The following LOXL1 variants were observed in gnomAD, a reference collection of about 807,000 sequenced individuals.
LOXL1 encodes lysyl oxidase homolog 1.
LOXL1 carries 31 observed loss-of-function variants against 62.2 expected under a neutral mutation model. That is an observed-to-expected ratio of 0.50 (90% CI 0.37 to 0.67). The LOEUF (loss-of-function observed/expected upper bound fraction) is 0.67, where lower values mean the gene tolerates loss of function less well. Ranked by LOEUF, LOXL1 falls within the 30% of genes least tolerant of loss-of-function variation. The pLI is 0.00. For synonymous variants in LOXL1, 403 were observed against 384.4 expected, an observed-to-expected ratio of 1.05 and a Z score of -0.56; for missense variants, 775 against 843.4, an observed-to-expected ratio of 0.92 and a Z score of 1.00.
chr15:73,943,067 C>A, intron 2 of LOXL1, 105 bp downstream of exon 2: 1 of 886,910 alleles, frequency 1.1e-6, no homozygotes, highest in Non-Finnish European at 1.9e-6. Context: ...AAGCTGATGA[C>A]CCTGGCCAAG....
intron 1 of LOXL1, among the ~76,000 whole-genome samples, chr15:73,933,257 C>T (rs1177666208): frequency 6.6e-6 from 1 of 152,196 alleles, no homozygotes; most frequent in East Asian, 1.9e-4. Context: ...TTAACCAACT[C>T]ACCCAAGGTC....
Position 73,927,227 on chromosome 15 carries a change from G to T in LOXL1, c.444G>T (p.Gln148His). Reference sequence around the variant, plus strand: ...CCCGGGCCCGCACCTCCGTCTCCCAGCAACGGCACGGGGGCTCCGCCTCCT... The same window carrying T: ...CCCGGGCCCGCACCTCCGTCTCCCATCAACGGCACGGGGGCTCCGCCTCCT... ...GMARARTSVSQQRHGGSASSV... is the reference protein window; with the variant it reads ...GMARARTSVSHQRHGGSASSV... Residue 148 changes from glutamine (Q) to histidine (H), a missense_variant, in exon 1 of 7, where the codon CAG becomes CAT. Transcript: ENST00000261921. 6.3e-7 allele frequency: 1 copy of T among 1,596,326 alleles called. No homozygotes were observed.
Position 73,946,543 on chromosome 15 carries a change from C to A in LOXL1, c.1338C>A (p.His446Gln). ...PNRPRHTWEW[H>Q]SCHQHYHSMD... ...GGCCACGGCACACCTGGGAGTGGCA[C>A]AGCTGCCACCAGTGAGTGGGGAGGG... Residue 446 changes from histidine (H) to glutamine (Q), a missense_variant, in exon 3 of 7, where the codon CAC becomes CAA. By Grantham distance (24) the His-to-Gln change is conservative. Transcript: ENST00000261921. The A allele has an allele frequency of 1.9e-6, 3 of 1,605,538 alleles. No homozygotes were observed. The South Asian group carries it at 3.3e-5, about 18-fold the overall frequency.
rs1232504479 is a variant in LOXL1 at position 73,927,765 on chromosome 15, G to A, written c.982G>A (p.Glu328Lys). The A allele has an allele frequency of 4.9e-6, 7 of 1,442,978 alleles. No individual in the cohort carries two copies. The highest frequency in any genetic ancestry group is 1.4e-5 in the South Asian group (1 of 72,548). 89.4% of individuals were successfully genotyped at this position (1,442,978 alleles called of 1,614,324 possible). Reference sequence around the variant, plus strand: ...GGCGTACGGGCCGCCGCGCGCGCTGGAGCCGCCCTACCTGCCGGTGCGCAG... The same window carrying A: ...GGCGTACGGGCCGCCGCGCGCGCTGAAGCCGCCCTACCTGCCGGTGCGCAG... ...PEAYGPPRAL[E>K]PPYLPVRSSD... The change falls in exon 1 of 7, where the codon GAG (glutamate) becomes AAG (lysine). Residue 328 changes from glutamate (E) to lysine (K), a missense_variant. Physicochemically the swap from Glu to Lys is moderately conservative, Grantham distance 56 (BLOSUM62 1). Transcript: ENST00000261921.
chr15:73,932,799 C>G (rs987387988), intron 1 of LOXL1, among the ~76,000 whole-genome samples: 1 of 152,210 alleles, frequency 6.6e-6, no homozygotes, highest in Non-Finnish European at 1.5e-5. Flanking sequence ...AGATCAGCAT[C>G]CCTCCTTCCT....
rs561854633 is a variant in LOXL1 at position 73,947,011 on chromosome 15, G to A, written c.1350-56G>A. On this transcript the variant is annotated intron_variant, in intron 3 of 6. Transcript: ENST00000261921. ...GCCCATCTCAGGATGGGGACAGGAT[G>A]AGAGGCCCAGGGAAGACTAGGCCCT... is the stretch of plus-strand genomic sequence containing the variant. 27 of 1,493,496 alleles carry A rather than the reference G, an allele frequency of 1.8e-5. No individual in the cohort carries two copies. In the South Asian group the frequency reaches 2.9e-4, roughly 16 times the overall value. 92.5% of individuals were successfully genotyped at this position (1,493,496 alleles called of 1,614,324 possible).
Position 73,930,486 on chromosome 15 carries a change from C to T in LOXL1, c.1102+2601C>T, listed in dbSNP as rs2068628169. Among the ~76,000 whole-genome samples, 1 of 152,142 alleles carries T rather than the reference C, an allele frequency of 6.6e-6. No homozygotes were observed. The highest frequency in any genetic ancestry group is 6.5e-5 in the Admixed American group (1 of 15,280). On this transcript the variant is annotated intron_variant, in intron 1 of 6. Coordinates refer to ENST00000261921, the MANE Select transcript of LOXL1 (RefSeq NM_005576.4). The surrounding 1 kb of genome is among the most constrained non-coding windows in gnomAD (Gnocchi z 4.7). Reference sequence around the variant, plus strand: ...CTGCTAGGCCAGACCGTGGAAAATCCCAGCCCAGGGAAGGCCAAGCCTTGT... The same window carrying T: ...CTGCTAGGCCAGACCGTGGAAAATCTCAGCCCAGGGAAGGCCAAGCCTTGT...
At chr15:73,933,520 G>C (rs921549111) in intron 1 of LOXL1, among the ~76,000 whole-genome samples, 2 of 152,232 alleles carry the variant, frequency 1.3e-5, no homozygotes, top group African/African-American at 4.8e-5. Flanking sequence ...ACCATTATGG[G>C]CACCAGGTTA....
chr15:73,940,179 A>C (rs2068704170), intron 1 of LOXL1, among the ~76,000 whole-genome samples: 1 of 152,178 alleles, frequency 6.6e-6, no homozygotes, highest in African/African-American at 2.4e-5. Context: ...AATTTTGTGC[A>C]GTCTGAGATA....
chr15:73,947,042 T>A, intron 3 of LOXL1, 25 bp from the exon 4 acceptor site: 1 of 1,566,086 alleles, frequency 6.4e-7, no homozygotes, highest in Non-Finnish European at 8.7e-7. Context: ...GCCCTCTTCT[T>A]TCTCCTTCTC....
At position 73,952,056 on chromosome 15, in the gene LOXL1, T is replaced by G. The variant is rs992929964; in HGVS notation, c.*219T>G. ...TCTCTACAGTGTTGTTTTGTTGTTG[T>G]TGGTTTTTATTTTTTATACTTTGGC... is the stretch of plus-strand genomic sequence containing the variant. On this transcript the variant is annotated 3_prime_UTR_variant, in exon 7 of 7. Coordinates refer to ENST00000261921, the MANE Select transcript of LOXL1 (RefSeq NM_005576.4). The G allele has an allele frequency of 9.9e-6, 4 of 404,076 alleles. No homozygotes were observed. The highest frequency in any genetic ancestry group is 1.7e-5 in the Non-Finnish European group (4 of 229,708). 25.0% of individuals were successfully genotyped at this position (404,076 alleles called of 1,614,324 possible). A position where few individuals can be genotyped will look rare whatever the true frequency, so the allele number is the denominator to read the frequency against.
chr15:73,933,764 C>T (rs900093608), intron 1 of LOXL1, among the ~76,000 whole-genome samples: 4 of 152,270 alleles, frequency 2.6e-5, no homozygotes, highest in African/African-American at 9.6e-5. Context: ...AGCTGGGGTC[C>T]GCCCAGGCGG....
chr15:73,935,999 G>A (rs1441311365), intron 1 of LOXL1, among the ~76,000 whole-genome samples: 2 of 145,860 alleles, frequency 1.4e-5, no homozygotes, highest in Non-Finnish European at 3.0e-5. Flanking sequence ...GCATAGCTGG[G>A]AATTCCAGGA....
chr15:73,947,961 C>G, intron 5 of LOXL1, 59 bp downstream of exon 5: 1 of 1,330,102 alleles, frequency 7.5e-7, no homozygotes, highest in Non-Finnish European at 1.1e-6. Context: ...AATGTCCCCC[C>G]GTTCCTGAAA....
chr15:73,940,577 G>C (rs149321826), intron 1 of LOXL1, among the ~76,000 whole-genome samples: 2 of 151,954 alleles, frequency 1.3e-5, no homozygotes, highest in Non-Finnish European at 2.9e-5. Flanking sequence ...ATCAGGGCTC[G>C]GTGTGTGACC....
At position 73,946,340 on chromosome 15, in the gene LOXL1, G is replaced by A. The variant is rs1352880000; in HGVS notation, c.1212-77G>A. 4 of 1,030,002 alleles carry A rather than the reference G, an allele frequency of 3.9e-6. No homozygotes were observed. In the South Asian group the frequency reaches 4.1e-5, roughly 11 times the overall value. 63.8% of individuals were successfully genotyped at this position (1,030,002 alleles called of 1,614,324 possible). On this transcript the variant is annotated intron_variant, in intron 2 of 6. Transcript: ENST00000261921. The stretch of plus-strand genomic sequence containing the variant: ...GAACCAGTGGCCAAGGGCTGGGGGT[G>A]GGGCTGAGGGGGCCCATGCTGGGTT...
Position 73,949,486 on chromosome 15 carries a change from T to G in LOXL1, c.1630T>G (p.Leu544Val). 1 of 1,613,784 alleles carries G rather than the reference T, an allele frequency of 6.2e-7. No individual in the cohort carries two copies. Among genetic ancestry groups the G allele is most frequent in the Non-Finnish European group, 8.5e-7 (1 of 1,179,670 alleles). The part of the protein sequence containing the change: ...KVHVNPKYIV[L>V]ESDFTNNVVR... Reference sequence around the variant, plus strand: ...GCACGTGAACCCAAAGTATATTGTTTTGGAGTCTGACTTCACCAACAACGT... The same window carrying G: ...GCACGTGAACCCAAAGTATATTGTTGTGGAGTCTGACTTCACCAACAACGT... Residue 544 changes from leucine to valine, a missense_variant, in exon 6 of 7, where the codon TTG becomes GTG. Coordinates refer to ENST00000261921, the MANE Select transcript of LOXL1 (RefSeq NM_005576.4).
intron 5 of LOXL1, 53 bp from the exon 6 acceptor site, chr15:73,949,406 G>T: frequency 9.7e-7 from 1 of 1,035,114 alleles, no homozygotes; most frequent in Non-Finnish European, 1.5e-6. Context: ...GAGCAGTTGA[G>T]GTGCAGCCCC....
At chr15:73,944,452 G>A (rs1336876782) in intron 2 of LOXL1, among the ~76,000 whole-genome samples, 2 of 152,304 alleles carry the variant, frequency 1.3e-5, no homozygotes, top group African/African-American at 4.8e-5. Flanking sequence ...TGGGAAAAGA[G>A]CCAGAAGGAC....
Sources: gnomAD v4.1 joint callset for allele counts (sites outside exome capture counted in the v4.1 genomes callset) on GRCh38, gnomAD v4.1.1 for gene constraint, Gnocchi (gnomAD v3.1) non-coding constraint, MANE v1.5 for transcripts, NCBI Gene and HGNC (gene_info 2026-07-23, HGNC 2026-07-21) for gene names.